GLI2: variants seen among roughly 807,000 people sequenced by gnomAD.
GLI2 encodes the protein GLI family zinc finger 2, also known as transcription activator GLI2.
A neutral mutation model predicts 78.9 loss-of-function variants in GLI2; 22 were observed. The ratio of observed to expected loss-of-function variants is 0.28; its 90% CI spans 0.20 to 0.40. GLI2 has a LOEUF of 0.40. Among genes scored for constraint, GLI2 ranks in the 10% least tolerant of loss-of-function variants. The pLI is 1.00. For missense variants in GLI2, 2,097 were observed against 2,213.2 expected (o/e 0.95, Z 1.05); for synonymous variants, 974 against 963.7 (o/e 1.01, Z -0.20).
chr2:120,990,570 C>T lies in GLI2; in HGVS notation c.4605C>T (p.Thr1535=), dbSNP rs545079499. 1.9e-6 allele frequency: 3 copies of T among 1,614,094 alleles called. No homozygotes were observed. The highest frequency in any genetic ancestry group is 2.2e-5 in the East Asian group (1 of 44,848). ...TCACCACCCCCCGAAACTCCTTGAC[C>T]CTGCCCTCCATCCCCGCAGGCATCA... ...SRLTTPRNSL[T]LPSIPAGISN... Residue 1535 remains threonine (T), a synonymous_variant, in exon 14 of 14, where the codon ACC becomes ACT. Transcript: ENST00000361492.
chr2:120,939,281 GA>G (rs987242287), intron 3 of GLI2, among the ~76,000 whole-genome samples: 26 of 143,340 alleles, frequency 1.8e-4, no homozygotes, highest in East Asian at 6.1e-4. Context: ...CTCCATCTCA[GA>G]AAAAAAAAAA....
intron 2 of GLI2, among the ~76,000 whole-genome samples, chr2:120,887,030 C>G (rs1677445610): frequency 6.6e-6 from 1 of 152,226 alleles, no homozygotes; most frequent in Admixed American, 6.5e-5. Context: ...ATCCAACACA[C>G]TCACGTTTTT....
chr2:120,948,589 C>T (rs1023416684), intron 3 of GLI2, among the ~76,000 whole-genome samples: 1 of 152,218 alleles, frequency 6.6e-6, no homozygotes, highest in African/African-American at 2.4e-5. Flanking sequence ...TGTGACAACA[C>T]CTCACTCCGG....
Position 120,765,286 on chromosome 2 carries a change from G to A in GLI2, c.-31+29001G>A, listed in dbSNP as rs1393414167. Among the ~76,000 whole-genome samples the A allele has an allele frequency of 4.6e-5, 7 of 152,328 alleles. No homozygotes were observed. In the East Asian group the frequency reaches 5.8e-4, roughly 13 times the overall value. ...GCCACTGGGAGAGGGCAGACGGGCC[G>A]CCTGTCCTTTTCCTTGCACTTCTAA... is the stretch of plus-strand genomic sequence containing the variant. On this transcript the variant is annotated intron_variant, in intron 1 of 13. Transcript: ENST00000361492.
At chr2:120,770,562 C>T (rs552510800) in intron 1 of GLI2, among the ~76,000 whole-genome samples, 6 of 152,192 alleles carry the variant, frequency 3.9e-5, no homozygotes, top group Non-Finnish European at 7.3e-5. Context: ...TGCTGGACGA[C>T]AGCCACACGC....
intron 1 of GLI2, among the ~76,000 whole-genome samples, chr2:120,785,134 C>A (rs1341422099): frequency 1.3e-5 from 2 of 152,154 alleles, no homozygotes; most frequent in Non-Finnish European, 2.9e-5. Context: ...TCCCAGACAC[C>A]TGGCCTGGGC....
intron 1 of GLI2, among the ~76,000 whole-genome samples, chr2:120,777,780 G>T (rs532270007): frequency 6.0e-5 from 9 of 150,134 alleles, no homozygotes; most frequent in African/African-American, 2.2e-4. Flanking sequence ...GCCTCTGGGG[G>T]GCTACTTGTT....
At chr2:120,890,314 G>T (rs538109761) in intron 2 of GLI2, among the ~76,000 whole-genome samples, 1 of 152,270 alleles carries the variant, frequency 6.6e-6, no homozygotes, top group East Asian at 1.9e-4. Flanking sequence ...TGACAGTAGG[G>T]GTGAGGGAGA....
intron 5 of GLI2, among the ~76,000 whole-genome samples, chr2:120,958,112 C>A (rs1207535180): frequency 6.6e-6 from 1 of 152,134 alleles, no homozygotes; most frequent in East Asian, 1.9e-4. Context: ...CCTGGCTGCA[C>A]GGTGTCCTCC....
intron 2 of GLI2, among the ~76,000 whole-genome samples, chr2:120,912,707 G>C (rs950184641): frequency 6.6e-6 from 1 of 152,168 alleles, no homozygotes; most frequent in Admixed American, 6.5e-5. Context: ...TCATGACCCC[G>C]GCATGGGCTT....
intron 1 of GLI2, among the ~76,000 whole-genome samples, chr2:120,785,621 C>T (rs1044911064): frequency 4.6e-5 from 7 of 152,214 alleles, no homozygotes; most frequent in African/African-American, 1.4e-4. Context: ...CACCCCTGCC[C>T]TGCCCCTGCC....
rs537876248 is a variant in GLI2 at position 120,934,495 on chromosome 2, G to A, written c.254+7029G>A. ...AGCTGTAGTTGGTTTGCATTGCATTGGCAGTCACGGCCCAAGGCCACCCTT... is the reference window on the plus strand; with the variant it reads ...AGCTGTAGTTGGTTTGCATTGCATTAGCAGTCACGGCCCAAGGCCACCCTT... On this transcript the variant is annotated intron_variant, in intron 3 of 13. Transcript: ENST00000361492. Among the ~76,000 whole-genome samples the A allele has an allele frequency of 1.9e-4, 29 of 152,304 alleles. No individual in the cohort carries two copies. The South Asian group carries it at 6.0e-3, about 32-fold the overall frequency.
intron 2 of GLI2, among the ~76,000 whole-genome samples, chr2:120,845,985 C>A (rs1228867831): frequency 6.6e-6 from 1 of 152,146 alleles, no homozygotes; most frequent in Non-Finnish European, 1.5e-5. Flanking sequence ...TGGTTAGAGG[C>A]AGAGCCAGGA....
At position 120,771,556 on chromosome 2, in the gene GLI2, G is replaced by A. The variant is rs371828198; in HGVS notation, c.-30-25735G>A. Among the ~76,000 whole-genome samples, 7 of 144,976 alleles carry A rather than the reference G, an allele frequency of 4.8e-5. No homozygotes were observed. The South Asian group carries it at 1.5e-3, about 32-fold the overall frequency. On this transcript the variant is annotated intron_variant, in intron 1 of 13. Transcript: ENST00000361492. The stretch of plus-strand genomic sequence containing the variant: ...AAGACAGAAGATGTTTCTGTTGAAA[G>A]CCAGTGCTCTGGGAGAGTAGTGTGA...
intron 1 of GLI2, among the ~76,000 whole-genome samples, chr2:120,757,159 T>G (rs1573347323): frequency 6.6e-6 from 1 of 152,308 alleles, no homozygotes. Context: ...ATCTGCGAAT[T>G]CTAACATTTG....
At chr2:120,910,963 C>T (rs771722722) in intron 2 of GLI2, among the ~76,000 whole-genome samples, 16 of 152,228 alleles carry the variant, frequency 1.1e-4, no homozygotes, top group Non-Finnish European at 1.6e-4. Flanking sequence ...CACCTCCTTA[C>T]CAGGGCCTGG....
At chr2:120,946,338 G>A (rs1406030878) in intron 3 of GLI2, among the ~76,000 whole-genome samples, 1 of 152,216 alleles carries the variant, frequency 6.6e-6, no homozygotes, top group African/African-American at 2.4e-5. Flanking sequence ...AGAAGGCAAT[G>A]CATAGGGGCA....
intron 2 of GLI2, among the ~76,000 whole-genome samples, chr2:120,859,899 C>A (rs1687829609): frequency 6.6e-6 from 1 of 152,170 alleles, no homozygotes. Context: ...ACGATCTGCC[C>A]ACCTCAGCCT....
At chr2:120,896,263 C>T (rs1428616329) in intron 2 of GLI2, among the ~76,000 whole-genome samples, 1 of 152,044 alleles carries the variant, frequency 6.6e-6, no homozygotes, top group African/African-American at 2.4e-5. Context: ...CTGAAGGCAG[C>T]CCCCTAGCCC....
Sources: allele counts gnomAD v4.1 joint callset (sites outside exome capture counted in the v4.1 genomes callset), GRCh38; gene constraint gnomAD v4.1.1; transcripts MANE v1.5; gene names NCBI Gene and HGNC (gene_info 2026-07-23, HGNC 2026-07-21).